Variants in LTBP2 observed in about 807,000 individuals in gnomAD.
LTBP2 encodes the protein latent-transforming growth factor beta-binding protein 2.
In LTBP2, 103 loss-of-function variants were observed where a neutral mutation model predicts 210.6. The ratio of observed to expected loss-of-function variants is 0.49; its 90% CI spans 0.42 to 0.58. LTBP2 has a LOEUF of 0.58. LTBP2 is among the 20% of genes least tolerant of loss of function. LTBP2 has a pLI of 0.00. For synonymous variants in LTBP2, 1,007 were observed against 1,015.0 expected, an observed-to-expected ratio of 0.99 and a Z score of 0.15; for missense variants, 2,313 against 2,494.5, an observed-to-expected ratio of 0.93 and a Z score of 1.55.
intron 2 of LTBP2, among the ~76,000 whole-genome samples, chr14:74,594,101 AACACGTCTCCAGGGATCAAGCCCTGGTT>A (rs2088321127): frequency 6.6e-6 from 1 of 152,204 alleles, no homozygotes; most frequent in African/African-American, 2.4e-5. Flanking sequence ...CTGGGACTCA[AACACGTCTCCAGGGATCAAGCCCTGGTT>A]ACAGAGATAA....
At chr14:74,502,989 CT>C in intron 33 of LTBP2, 55 bp from the exon 34 acceptor site, 1 of 1,599,216 alleles carries the variant, frequency 6.3e-7, no homozygotes, top group African/African-American at 1.3e-5. Context: ...CAGCTAAAGC[CT>C]GGCTGGCTTT....
intron 17 of LTBP2, among the ~76,000 whole-genome samples, chr14:74,520,478 T>G (rs546405677): frequency 8.5e-5 from 13 of 152,206 alleles, no homozygotes; most frequent in Non-Finnish European, 1.9e-4. Flanking sequence ...GCTTGGGACA[T>G]TGCCAGCATA....
intron 15 of LTBP2, 62 bp from the exon 16 acceptor site, chr14:74,522,980 G>GC: frequency 1.9e-6 from 3 of 1,578,034 alleles, no homozygotes; most frequent in Non-Finnish European, 2.6e-6. Context: ...AGGCAGTGGA[G>GC]CGGGGTGGGG....
chr14:74,579,657 G>A (rs1413018475), intron 3 of LTBP2, among the ~76,000 whole-genome samples: 2 of 152,214 alleles, frequency 1.3e-5, no homozygotes, highest in African/African-American at 2.4e-5. Flanking sequence ...CCTGAGGTTG[G>A]ACCTCCAACA....
chr14:74,520,959 G>T (rs1355806230), intron 17 of LTBP2, among the ~76,000 whole-genome samples: 2 of 152,214 alleles, frequency 1.3e-5, no homozygotes, highest in Non-Finnish European at 1.5e-5. Context: ...TCAGAGCTTG[G>T]CACAGTGCCT....
At chr14:74,553,518 A>C (rs542114286) in intron 4 of LTBP2, among the ~76,000 whole-genome samples, 65 of 152,242 alleles carry the variant, frequency 4.3e-4, no homozygotes, top group South Asian at 3.1e-3. Context: ...CAGAGAGGAG[A>C]GTTTTCTAAG....
At chr14:74,536,920 T>C (rs1172216227) in intron 8 of LTBP2, among the ~76,000 whole-genome samples, 1 of 152,200 alleles carries the variant, frequency 6.6e-6, no homozygotes, top group East Asian at 1.9e-4. Flanking sequence ...TTGTTAATAC[T>C]AAGAAAAATG....
At chr14:74,525,290 T>G in intron 14 of LTBP2, 65 bp from the exon 15 acceptor site, 1 of 887,798 alleles carries the variant, frequency 1.1e-6, no homozygotes, top group Non-Finnish European at 1.6e-6. Context: ...CCTTCCCTCT[T>G]CCCTGGTGCT....
At chr14:74,508,986 T>C (rs889937963) in intron 22 of LTBP2, 34 bp from the exon 23 acceptor site, 1 of 1,611,298 alleles carries the variant, frequency 6.2e-7, no homozygotes, top group Non-Finnish European at 8.5e-7. Flanking sequence ...AGACAGCCGA[T>C]GGCAGCACCT....
intron 31 of LTBP2, 29 bp downstream of exon 31, chr14:74,503,897 G>C: frequency 6.2e-7 from 1 of 1,613,534 alleles, no homozygotes; most frequent in Non-Finnish European, 8.5e-7. Context: ...TGGGCCTGGG[G>C]TGGGGGCAGG....
Position 74,527,231 on chromosome 14 carries a change from T to C in LTBP2, c.2388+116A>G. 9 of 1,294,228 alleles carry C rather than the reference T, an allele frequency of 7.0e-6. No homozygotes were observed. The South Asian group carries it at 8.9e-5, about 13-fold the overall frequency. The allele number at this position is 1,294,228 out of a possible 1,614,324, so 80.2% of individuals were successfully genotyped here. A position where few individuals can be genotyped will look rare whatever the true frequency, so the allele number is the denominator to read the frequency against. ...ATCTCTTCAAGTAAAATCTAACAGA[T>C]ACTCCATCTTTCTCCCTCTCCCTCC... On this transcript the variant is annotated intron_variant, in intron 13 of 35. Coordinates refer to ENST00000261978, the MANE Select transcript of LTBP2 (RefSeq NM_000428.3).
At position 74,593,173 on chromosome 14, in the gene LTBP2, C is replaced by T. The variant is rs942986364; in HGVS notation, c.566-7055G>A. Among the ~76,000 whole-genome samples, 3 of 152,216 alleles carry T rather than the reference C, an allele frequency of 2.0e-5. No homozygotes were observed. In the South Asian group the frequency reaches 6.2e-4, roughly 32 times the overall value. ...CCCCAGAACAGTCAACAGAGGTTTGCTCAGATTTTCCACACAAAACCCCTA... is the reference window on the plus strand; with the variant it reads ...CCCCAGAACAGTCAACAGAGGTTTGTTCAGATTTTCCACACAAAACCCCTA... On this transcript the variant is annotated intron_variant, in intron 2 of 35. Transcript: ENST00000261978.
intron 3 of LTBP2, among the ~76,000 whole-genome samples, chr14:74,580,615 A>G (rs995508766): frequency 2.6e-4 from 39 of 152,208 alleles, no homozygotes; most frequent in African/African-American, 8.9e-4. Context: ...CTGAGCTATA[A>G]GAGCATAAAT....
chr14:74,548,540 G>A (rs890115924), intron 8 of LTBP2, among the ~76,000 whole-genome samples: 1 of 152,128 alleles, frequency 6.6e-6, no homozygotes, highest in African/African-American at 2.4e-5. Flanking sequence ...AAGTTTCAAG[G>A]GTTCAACGCC....
rs551774382 is a variant in LTBP2 at position 74,509,090 on chromosome 14, A to G, written c.3404-138T>C. On this transcript the variant is annotated intron_variant, in intron 22 of 35. Transcript: ENST00000261978. ...GGGGATCATCCCCTCATGAGGCAGC[A>G]CAGCTGGGACAAGCTTGTGAGCGAC... 4.3e-4 allele frequency: 681 copies of G among 1,568,156 alleles called. 1 individual carries two copies. Among genetic ancestry groups the G allele is most frequent in the Non-Finnish European group, 5.5e-4 (630 of 1,144,324 alleles).
intron 1 of LTBP2, among the ~76,000 whole-genome samples, chr14:74,607,916 T>A (rs1405296890): frequency 1.3e-5 from 2 of 148,502 alleles, no homozygotes; most frequent in East Asian, 3.9e-4. Flanking sequence ...TAGACTATGT[T>A]TTTTTTTTTT....
chr14:74,545,475 C>T (rs1207751820), intron 8 of LTBP2, among the ~76,000 whole-genome samples: 1 of 152,220 alleles, frequency 6.6e-6, no homozygotes, highest in East Asian at 1.9e-4. Flanking sequence ...ACAGAGGGCC[C>T]TGGGTTCAGA....
intron 32 of LTBP2, 38 bp from the exon 33 acceptor site, chr14:74,503,424 G>A (rs2086940526): frequency 1.2e-6 from 2 of 1,609,628 alleles, no homozygotes; most frequent in African/African-American, 2.7e-5. Context: ...GAGCCCCCCA[G>A]CCCAGGTACC....
intron 8 of LTBP2, among the ~76,000 whole-genome samples, chr14:74,536,872 C>T (rs937242937): frequency 4.6e-5 from 7 of 152,086 alleles, no homozygotes; most frequent in African/African-American, 1.7e-4. Flanking sequence ...TAGTTGTGCA[C>T]CACAAATATA....
Sources: gnomAD v4.1 joint callset for allele counts (sites outside exome capture counted in the v4.1 genomes callset) on GRCh38, gnomAD v4.1.1 for gene constraint, MANE v1.5 for transcripts, NCBI Gene and HGNC (gene_info 2026-07-23, HGNC 2026-07-21) for gene names.